The following OTOF variants were observed in gnomAD, a reference collection of about 807,000 sequenced individuals.
The protein encoded by OTOF is otoferlin.
Under a neutral mutation model 236.8 loss-of-function variants are expected in OTOF, and 218 were observed. The ratio of observed to expected loss-of-function variants is 0.92; its 90% CI spans 0.82 to 1.03. The LOEUF (loss-of-function observed/expected upper bound fraction) is 1.03, where lower values mean the gene tolerates loss of function less well. Among genes scored for constraint, OTOF ranks in the 50% least tolerant of loss-of-function variants. The pLI, the probability that OTOF is intolerant of heterozygous loss-of-function variation, is 0.00. For synonymous variants in OTOF, 1,041 were observed against 1,072.5 expected, an observed-to-expected ratio of 0.97 and a Z score of 0.57; for missense variants, 2,590 against 2,694.4, an observed-to-expected ratio of 0.96 and a Z score of 0.86.
At chr2:26,479,224 C>T in intron 18 of OTOF, 40 bp downstream of exon 18, 4 of 1,609,404 alleles carry the variant, frequency 2.5e-6, no homozygotes, top group Non-Finnish European at 3.4e-6. Context: ...GCCGTCTCCC[C>T]CAGGACCCCA....
Position 26,460,220 on chromosome 2 carries a change from G to A in OTOF, c.5814-15C>T. The A allele has an allele frequency of 6.3e-7, 1 of 1,593,666 alleles. No homozygotes were observed. Among genetic ancestry groups the A allele is most frequent in the Middle Eastern group, 2.2e-4 (1 of 4,504 alleles). ...TGTCGGGCCGGCTGGAGTATGAAGGGTAGAGAGCGCAGAGGAGGGACAGGG... is the reference window on the plus strand; with the variant it reads ...TGTCGGGCCGGCTGGAGTATGAAGGATAGAGAGCGCAGAGGAGGGACAGGG... On this transcript the variant is annotated splice_polypyrimidine_tract_variant and intron_variant, in intron 45 of 46. Transcript: ENST00000272371. This position sits in a 1 kb window ranked among gnomAD's most constrained non-coding sequence, Gnocchi z 5.3.
At chr2:26,474,745 C>T in intron 25 of OTOF, 71 bp from the exon 26 acceptor site, 1 of 1,546,218 alleles carries the variant, frequency 6.5e-7, no homozygotes, top group African/African-American at 1.4e-5. Flanking sequence ...TTGGTCCTTA[C>T]CACAGCGCCA....
Position 26,513,889 on chromosome 2 carries a change from C to T in OTOF, c.509+2529G>A, listed in dbSNP as rs550722172. On this transcript the variant is annotated intron_variant, in intron 5 of 46. Coordinates refer to ENST00000272371, the MANE Select transcript of OTOF (RefSeq NM_194248.3). Reference sequence around the variant, plus strand: ...CTCTGGCTTCCTCCCAGAACCCACACTATGTGACAAGGGTGAGATGCAACA... The same window carrying T: ...CTCTGGCTTCCTCCCAGAACCCACATTATGTGACAAGGGTGAGATGCAACA... Among the ~76,000 whole-genome samples, 485 of 152,338 alleles carry T rather than the reference C, an allele frequency of 3.2e-3. 2 individuals carry two copies. Among genetic ancestry groups the T allele is most frequent in the African/African-American group, 0.011 (443 of 41,582 alleles).
rs1364986674 is a variant in OTOF, at chr2:26,473,389, C to T, written c.3570+17G>A. 2 of 1,613,342 alleles carry T rather than the reference C, an allele frequency of 1.2e-6. No homozygotes were observed. The highest frequency in any genetic ancestry group is 1.1e-5 in the South Asian group (1 of 91,084). On this transcript the variant is annotated intron_variant, in intron 28 of 46. Transcript: ENST00000272371. The surrounding 1 kb of genome is among the most constrained non-coding windows in gnomAD (Gnocchi z 7.2). ...CACACTGGCCACAGGATGTCCTCCG[C>T]CAGGGCCTGCACTCACCACTTCAAA...
Position 26,473,986 on chromosome 2 carries a change from C to A in OTOF, c.3408+5G>T, listed in dbSNP as rs760279912. On this transcript the variant is annotated splice_donor_5th_base_variant and intron_variant, in intron 27 of 46. Coordinates refer to ENST00000272371, the MANE Select transcript of OTOF (RefSeq NM_194248.3). The surrounding 1 kb of genome is among the most constrained non-coding windows in gnomAD (Gnocchi z 7.2). ...AAAGGGAAGGGCCACACAGAGCCCTCGCACCTCCACTCGGTACTTGCTGAG... is the reference window on the plus strand; with the variant it reads ...AAAGGGAAGGGCCACACAGAGCCCTAGCACCTCCACTCGGTACTTGCTGAG... The A allele has an allele frequency of 1.2e-6, 2 of 1,612,738 alleles. No homozygotes were observed. Among genetic ancestry groups the A allele is most frequent in the Non-Finnish European group, 1.7e-6 (2 of 1,179,870 alleles).
chr2:26,541,155 C>T (rs746711253), intron 1 of OTOF, among the ~76,000 whole-genome samples: 2 of 152,090 alleles, frequency 1.3e-5, no homozygotes, highest in Non-Finnish European at 1.5e-5. Flanking sequence ...AGCAACCCAG[C>T]GGAGGATTGG....
In OTOF at chr2:26,475,935, G is replaced by C; in HGVS notation, c.2970C>G (p.Ile990Met). The change falls in exon 24 of 47, where the codon ATC (isoleucine) becomes ATG (methionine). Residue 990 changes from isoleucine to methionine, a missense_variant. Physicochemically the swap from Ile to Met is conservative, Grantham distance 10. Coordinates refer to ENST00000272371, the MANE Select transcript of OTOF (RefSeq NM_194248.3). ...TCACCTCTGTGCACTGACTCTGATT[G>C]ATGAAGAAGACGCGGGCAAAGGGGT... ...LSDPFARVFF[I>M]NQSQCTEVLN... is the part of the protein sequence containing the mutation. 1 of 1,610,094 alleles carries C rather than the reference G, an allele frequency of 6.2e-7. No homozygotes were observed. Among genetic ancestry groups the C allele is most frequent in the African/African-American group, 1.3e-5 (1 of 74,988 alleles).
intron 9 of OTOF, among the ~76,000 whole-genome samples, chr2:26,494,635 C>A (rs1364022646): frequency 8.1e-6 from 1 of 123,992 alleles, no homozygotes; most frequent in Admixed American, 8.5e-5. Context: ...CAGTGGGAAC[C>A]AGGCCTCTTG....
intron 9 of OTOF, among the ~76,000 whole-genome samples, chr2:26,492,588 C>T (rs561524908): frequency 1.4e-4 from 21 of 152,306 alleles, no homozygotes; most frequent in African/African-American, 1.9e-4. Flanking sequence ...TGTTGCCCCA[C>T]GTGCCACTGT....
rs547776661 is a variant in OTOF at position 26,548,664 on chromosome 2, T to G, written c.79+9829A>C. On this transcript the variant is annotated intron_variant, in intron 1 of 46. Coordinates refer to ENST00000272371, the MANE Select transcript of OTOF (RefSeq NM_194248.3). ...GTATTTACTGTATCTTTTCTATGTTTAGATACACAAATACTTACCATTGTA... is the reference window on the plus strand; with the variant it reads ...GTATTTACTGTATCTTTTCTATGTTGAGATACACAAATACTTACCATTGTA... Among the ~76,000 whole-genome samples, 9 of 152,368 alleles carry G rather than the reference T, an allele frequency of 5.9e-5. No homozygotes were observed. In the East Asian group the frequency reaches 1.7e-3, roughly 29 times the overall value.
intron 1 of OTOF, among the ~76,000 whole-genome samples, chr2:26,540,223 C>T (rs946192528): frequency 8.5e-5 from 13 of 152,336 alleles, no homozygotes; most frequent in African/African-American, 2.9e-4. Context: ...TGAGTCACCG[C>T]GCCCAGCCGA....
In OTOF at chr2:26,470,521, T is replaced by C. The variant is rs2148035509; in HGVS notation, c.4023+72A>G. The C allele has an allele frequency of 6.7e-7, 1 of 1,487,736 alleles. No homozygotes were observed. The highest frequency in any genetic ancestry group is 2.3e-5 in the East Asian group (1 of 44,182). The allele number at this position is 1,487,736 out of a possible 1,614,324, so 92.2% of individuals were successfully genotyped here. The stretch of plus-strand genomic sequence containing the variant: ...GTTGGGATCCAGCTCTTGGGGGCCG[T>C]GGGAAAGAAGCTGGACAGGAGGGTC... On this transcript the variant is annotated intron_variant, in intron 32 of 46. Transcript: ENST00000272371. The surrounding 1 kb of genome is among the most constrained non-coding windows in gnomAD (Gnocchi z 4.3).
chr2:26,510,788 T>G (rs1666366446), intron 5 of OTOF: 16 of 1,245,214 alleles, frequency 1.3e-5, no homozygotes, highest in Non-Finnish European at 1.7e-5. Flanking sequence ...AGGGGACACG[T>G]GTGAGGGGCT....
At chr2:26,506,226 A>G (rs984848982) in intron 5 of OTOF, among the ~76,000 whole-genome samples, 1 of 152,148 alleles carries the variant, frequency 6.6e-6, no homozygotes, top group African/African-American at 2.4e-5. Context: ...GTGCTGCTCA[A>G]CTATGTCTCT....
At chr2:26,501,370 A>G (rs1666112441) in intron 8 of OTOF, among the ~76,000 whole-genome samples, 1 of 152,226 alleles carries the variant, frequency 6.6e-6, no homozygotes, top group Non-Finnish European at 1.5e-5. Flanking sequence ...ATACAAAACA[A>G]CAATTTAAAA....
At position 26,477,625 on chromosome 2, in the gene OTOF, C is replaced by A. The variant is rs114287189; in HGVS notation, c.2315+24G>T. 2.5e-5 allele frequency: 40 copies of A among 1,611,828 alleles called. No individual in the cohort carries two copies. Among genetic ancestry groups the A allele is most frequent in the Admixed American group, 3.3e-5 (2 of 59,986 alleles). ...GTCCAGTTCCGCCTCATCCTCCCCCCACCTGCCGCCCCTCCCTTCTCACCA... is the reference window on the plus strand; with the variant it reads ...GTCCAGTTCCGCCTCATCCTCCCCCAACCTGCCGCCCCTCCCTTCTCACCA... On this transcript the variant is annotated intron_variant, in intron 19 of 46. Transcript: ENST00000272371. The surrounding 1 kb of genome is among the most constrained non-coding windows in gnomAD (Gnocchi z 4.7).
At chr2:26,508,224 G>C (rs990149498) in intron 5 of OTOF, among the ~76,000 whole-genome samples, 7 of 152,160 alleles carry the variant, frequency 4.6e-5, no homozygotes, top group South Asian at 4.1e-4. Flanking sequence ...TAGGGTCTGT[G>C]GTCCTTCTTT....
rs112064342 is a variant in OTOF, at chr2:26,528,196, C to T, written c.139-276G>A. ...TCATGTGGTAGGTGAAGAGCCTGGA[C>T]CTACCAGGACTTTTGACTCCCTACA... On this transcript the variant is annotated intron_variant, in intron 2 of 46. Coordinates refer to ENST00000272371, the MANE Select transcript of OTOF (RefSeq NM_194248.3). 8.0e-3 allele frequency among the ~76,000 whole-genome samples: 1,217 copies of T among 152,254 alleles called. 15 individuals carry two copies. Among genetic ancestry groups the T allele is most frequent in the African/African-American group, 0.027 (1,108 of 41,534 alleles).
At position 26,461,084 on chromosome 2, in the gene OTOF, T is replaced by TGGGGGGGGGGGGGGGG; in HGVS notation, c.5534-55_5534-54insCCCCCCCCCCCCCCCC. On this transcript the variant is annotated intron_variant, in intron 43 of 46. Transcript: ENST00000272371. The surrounding 1 kb of genome is among the most constrained non-coding windows in gnomAD (Gnocchi z 6.2). ...TGAACAGGGCTGGGGTGGGGCGGGG[T>TGGGGGGGGGGGGGGGG]GGGGGTGGGGGTCTGGGCTCCTCGG... 6.8e-6 allele frequency: 1 copy of TGGGGGGGGGGGGGGGG among 146,492 alleles called. No homozygotes were observed. Among genetic ancestry groups the TGGGGGGGGGGGGGGGG allele is most frequent in the Non-Finnish European group, 1.3e-5 (1 of 74,092 alleles). 9.1% of individuals were successfully genotyped at this position (146,492 alleles called of 1,614,324 possible).
Sources: gnomAD v4.1 joint callset for allele counts (sites outside exome capture counted in the v4.1 genomes callset) on GRCh38, gnomAD v4.1.1 for gene constraint, Gnocchi (gnomAD v3.1) non-coding constraint, MANE v1.5 for transcripts, NCBI Gene and HGNC (gene_info 2026-07-23, HGNC 2026-07-21) for gene names.